Variants in CHRM3 observed in about 807,000 individuals in gnomAD.
CHRM3 encodes cholinergic receptor muscarinic 3.
A neutral mutation model predicts 41.8 loss-of-function variants in CHRM3; 11 were observed. The ratio of observed to expected loss-of-function variants is 0.26; its 90% CI spans 0.17 to 0.44. CHRM3 has a LOEUF of 0.44. Ranked by LOEUF, CHRM3 falls within the 20% of genes least tolerant of loss-of-function variation. CHRM3 has a pLI of 1.00. For missense variants in CHRM3, 571 were observed against 745.4 expected (o/e 0.77, Z 2.72); for synonymous variants, 297 against 301.4 (o/e 0.99, Z 0.15).
intron 3 of CHRM3, among the ~76,000 whole-genome samples, chr1:239,562,350 A>G (rs115550192): frequency 0.012 from 1,876 of 152,164 alleles, 45 homozygotes; most frequent in African/African-American, 0.043. Flanking sequence ...CTTTTTTCAG[A>G]TAAAGAGCTG....
chr1:239,858,635 T>G (rs537906656), intron 6 of CHRM3, among the ~76,000 whole-genome samples: 198 of 152,286 alleles, frequency 1.3e-3, no homozygotes, highest in Admixed American at 3.3e-3. Flanking sequence ...ACGAATCATT[T>G]TAAAGTGTAC....
At chr1:239,634,376 C>T (rs5007862) in intron 4 of CHRM3, among the ~76,000 whole-genome samples, 4,364 of 135,514 alleles carry the variant, frequency 0.032, 95 homozygotes, top group African/African-American at 0.051. Flanking sequence ...CAAGAACAAA[C>T]GAAAGAAAGA....
intron 3 of CHRM3, among the ~76,000 whole-genome samples, chr1:239,630,874 C>T (rs1669738434): frequency 6.8e-6 from 1 of 148,072 alleles, no homozygotes; most frequent in African/African-American, 2.5e-5. Flanking sequence ...TTCCATAAGA[C>T]ACTTCTCAGA....
At chr1:239,600,595 T>C (rs935970094) in intron 3 of CHRM3, among the ~76,000 whole-genome samples, 16 of 152,122 alleles carry the variant, frequency 1.1e-4, no homozygotes, top group Non-Finnish European at 2.1e-4. Context: ...TTATTGAAGC[T>C]TGAGAAATAG....
chr1:239,790,355 G>A (rs1039878834), intron 5 of CHRM3, among the ~76,000 whole-genome samples: 1 of 152,184 alleles, frequency 6.6e-6, no homozygotes, highest in East Asian at 1.9e-4. Context: ...ATACCCACAC[G>A]TCAAGAGTAG....
intron 3 of CHRM3, among the ~76,000 whole-genome samples, chr1:239,627,154 A>G (rs1439706370): frequency 3.2e-5 from 2 of 62,148 alleles, no homozygotes; most frequent in African/African-American, 1.4e-4. Flanking sequence ...TTTGTAGGTC[A>G]CTCAGGACTT....
At chr1:239,728,504 CTA>C (rs1418049461) in intron 5 of CHRM3, among the ~76,000 whole-genome samples, 2 of 151,828 alleles carry the variant, frequency 1.3e-5, no homozygotes, top group African/African-American at 4.8e-5. Flanking sequence ...CTTTGTTTGC[CTA>C]TATATTGTAA....
At chr1:239,432,805 G>A (rs1216638352) in intron 1 of CHRM3, among the ~76,000 whole-genome samples, 1 of 152,118 alleles carries the variant, frequency 6.6e-6, no homozygotes, top group East Asian at 1.9e-4. Flanking sequence ...GGATCATATT[G>A]GCCTGTGAAA....
chr1:239,855,983 C>A (rs564649244), intron 6 of CHRM3, among the ~76,000 whole-genome samples: 1 of 152,146 alleles, frequency 6.6e-6, no homozygotes, highest in South Asian at 2.1e-4. Flanking sequence ...CAGGAGGGAT[C>A]GTTCCAGGTG....
chr1:239,889,843 G>A (rs962119065), intron 6 of CHRM3, among the ~76,000 whole-genome samples: 2 of 152,170 alleles, frequency 1.3e-5, no homozygotes, highest in Non-Finnish European at 2.9e-5. Context: ...ATAATGCTTG[G>A]CTCAAGGAGT....
At chr1:239,728,963 T>C (rs1478891236) in intron 5 of CHRM3, among the ~76,000 whole-genome samples, 1 of 151,970 alleles carries the variant, frequency 6.6e-6, no homozygotes, top group Non-Finnish European at 1.5e-5. Context: ...CTGTGTGTTT[T>C]CCAGACCCTT....
intron 5 of CHRM3, among the ~76,000 whole-genome samples, chr1:239,688,783 A>G (rs1470035050): frequency 1.4e-5 from 2 of 138,956 alleles, no homozygotes; most frequent in Non-Finnish European, 3.1e-5. Context: ...ACTATTCAAT[A>G]TAATATACAA....
At chr1:239,580,955 G>A (rs1012664728) in intron 3 of CHRM3, among the ~76,000 whole-genome samples, 2 of 151,398 alleles carry the variant, frequency 1.3e-5, no homozygotes, top group Non-Finnish European at 2.9e-5. Context: ...ATGCAGTTTG[G>A]GTCCTACTCA....
At chr1:239,801,552 G>T (rs548667944) in intron 5 of CHRM3, among the ~76,000 whole-genome samples, 1 of 152,220 alleles carries the variant, frequency 6.6e-6, no homozygotes, top group East Asian at 1.9e-4. Flanking sequence ...GATTAGCTGT[G>T]TTTTCTGTTT....
rs185149432 is a variant in CHRM3 at position 239,518,723 on chromosome 1, C to T, written c.-422+25916C>T. Among the ~76,000 whole-genome samples the T allele has an allele frequency of 4.6e-5, 7 of 152,208 alleles. No homozygotes were observed. In the East Asian group the frequency reaches 7.7e-4, roughly 17 times the overall value. On this transcript the variant is annotated intron_variant, in intron 2 of 6. Transcript: ENST00000676153. ...TATTTATTAAGGGAAAGTTTGTGGG[C>T]GGTAGTTGCACGTGAAATCTCCTTG...
chr1:239,590,808 C>T (rs979417780), intron 3 of CHRM3, among the ~76,000 whole-genome samples: 2 of 151,778 alleles, frequency 1.3e-5, no homozygotes, highest in African/African-American at 2.4e-5. Flanking sequence ...AACATAAAAC[C>T]CTATATTTAA....
chr1:239,790,647 T>C (rs1245643411), intron 5 of CHRM3, among the ~76,000 whole-genome samples: 1 of 152,230 alleles, frequency 6.6e-6, no homozygotes, highest in Non-Finnish European at 1.5e-5. Context: ...AACAGACCAC[T>C]ACAATCAGTT....
chr1:239,573,551 C>A (rs986388239), intron 3 of CHRM3, among the ~76,000 whole-genome samples: 1 of 151,942 alleles, frequency 6.6e-6, no homozygotes, highest in Non-Finnish European at 1.5e-5. Context: ...GTGTGCATAG[C>A]CTATATTGAA....
At chr1:239,545,364 G>C (rs1315782383) in intron 2 of CHRM3, among the ~76,000 whole-genome samples, 1 of 151,850 alleles carries the variant, frequency 6.6e-6, no homozygotes, top group Non-Finnish European at 1.5e-5. Context: ...CTACATATTG[G>C]GTACAATGTA....
Sources: allele counts gnomAD v4.1 joint callset (sites outside exome capture counted in the v4.1 genomes callset), GRCh38; gene constraint gnomAD v4.1.1; transcripts MANE v1.5; gene names NCBI Gene and HGNC (gene_info 2026-07-23, HGNC 2026-07-21).